Variants in CFAP74 observed in about 807,000 individuals in gnomAD.
The protein encoded by CFAP74 is cilia- and flagella-associated protein 74.
Under a neutral mutation model 188.9 loss-of-function variants are expected in CFAP74, and 124 were observed. The observed-to-expected ratio is 0.66, with a 90% CI of 0.57 to 0.76. The LOEUF is 0.76. CFAP74 is among the 30% of genes least tolerant of loss of function. The pLI, the probability that CFAP74 is intolerant of heterozygous loss-of-function variation, is 0.00. For missense variants in CFAP74, 2,198 were observed against 2,165.2 expected (o/e 1.02, Z -0.30); for synonymous variants, 956 against 916.7 (o/e 1.04, Z -0.77).
chr1:1,952,491 G>C (rs949446258), intron 18 of CFAP74, among the ~76,000 whole-genome samples: 4 of 151,598 alleles, frequency 2.6e-5, no homozygotes, highest in African/African-American at 9.7e-5. Context: ...AAGACTGTCA[G>C]ACTGGATAAA....
chr1:1,964,079 C>A (rs1173872124), intron 13 of CFAP74, among the ~76,000 whole-genome samples: 1 of 152,218 alleles, frequency 6.6e-6, no homozygotes, highest in Non-Finnish European at 1.5e-5. Flanking sequence ...CACATAAGAG[C>A]CTTCGCCACT....
chr1:1,931,025 G>A (rs138201645), intron 25 of CFAP74, among the ~76,000 whole-genome samples: 18 of 152,232 alleles, frequency 1.2e-4, no homozygotes, highest in Non-Finnish European at 2.5e-4. Context: ...ATGCTGTAAA[G>A]GACAATACTC....
Position 1,965,005 on chromosome 1 carries a change from G to A in CFAP74, c.1458C>T (p.Asp486=), listed in dbSNP as rs1655369664. 4 of 1,613,926 alleles carry A rather than the reference G, an allele frequency of 2.5e-6. No individual in the cohort carries two copies. The highest frequency in any genetic ancestry group is 3.4e-6 in the Non-Finnish European group (4 of 1,179,896). Residue 486 remains aspartate, a synonymous_variant, in exon 13 of 39, where the codon GAC becomes GAT. Coordinates refer to ENST00000682832, the MANE Select transcript of CFAP74 (RefSeq NM_001304360.2). ...GCCGCTCCACCGTGCGCTCCAGGAT[G>A]TCCTTGTCCATCTTTGTCCCGCCCA... ...KPVGGTKMDK[D]ILERTVERLR...
At chr1:1,992,709 C>T (rs1194983446) in intron 1 of CFAP74, among the ~76,000 whole-genome samples, 4 of 151,824 alleles carry the variant, frequency 2.6e-5, no homozygotes, top group Non-Finnish European at 4.4e-5. Flanking sequence ...CTCCTGACCT[C>T]GTGACCCACC....
Position 1,968,502 on chromosome 1 carries a change from G to A in CFAP74, c.1245+133C>T, listed in dbSNP as rs952821478. Reference sequence around the variant, plus strand: ...TTGAGCTGAGTGGCGGCCACTCAGCGGGCTCAGCAACCCCCTGCAGGTGGC... The same window carrying A: ...TTGAGCTGAGTGGCGGCCACTCAGCAGGCTCAGCAACCCCCTGCAGGTGGC... On this transcript the variant is annotated intron_variant, in intron 11 of 38. Transcript: ENST00000682832. This position sits in a 1 kb window ranked among gnomAD's most constrained non-coding sequence, Gnocchi z 4.3. 2.5e-5 allele frequency: 18 copies of A among 733,354 alleles called. No homozygotes were observed. Among genetic ancestry groups the A allele is most frequent in the African/African-American group, 1.9e-4 (11 of 56,804 alleles). 45.4% of individuals were successfully genotyped at this position (733,354 alleles called of 1,614,324 possible).
rs372290694 is a variant in CFAP74, at chr1:1,923,762, G to A, written c.4389+13C>T. ...GGCCGGGCCGGGCTGAGCTTGCAGA[G>A]CCAGAGCCGCACCTTTTCAAAGAGC... On this transcript the variant is annotated intron_variant, in intron 35 of 38. Coordinates refer to ENST00000682832, the MANE Select transcript of CFAP74 (RefSeq NM_001304360.2). This position sits in a 1 kb window ranked among gnomAD's most constrained non-coding sequence, Gnocchi z 6.3. 12 of 1,613,202 alleles carry A rather than the reference G, an allele frequency of 7.4e-6. No individual in the cohort carries two copies. The African/African-American group carries it at 1.1e-4, about 14-fold the overall frequency.
chr1:1,955,094 T>C, intron 18 of CFAP74: 1 of 586,582 alleles, frequency 1.7e-6, no homozygotes, highest in South Asian at 2.0e-5. Flanking sequence ...TCACACAGGC[T>C]GTGGAGAACC....
chr1:1,924,508 AGTT>A lies in CFAP74; in HGVS notation c.4114_4116del (p.Asn1372del). On this transcript the variant is annotated inframe_deletion, in exon 34 of 39. Transcript: ENST00000682832. ...ATGGAGAACTTGATGGGGAGCAGAG[AGTT>A]GTTCTGCAGCTGCAGAGAGCAGGCC... 6.2e-7 allele frequency: 1 copy of A among 1,604,166 alleles called. No homozygotes were observed. Among genetic ancestry groups the A allele is most frequent in the African/African-American group, 1.3e-5 (1 of 74,102 alleles).
intron 22 of CFAP74, among the ~76,000 whole-genome samples, chr1:1,941,115 A>AAAAG (rs531512153): frequency 1.4e-4 from 22 of 152,060 alleles, no homozygotes; most frequent in Non-Finnish European, 2.1e-4. Flanking sequence ...TCTGTCTCAA[A>AAAAG]AAAGAAAGAA....
At chr1:1,932,082 A>AAC (rs1352785240) in intron 25 of CFAP74, among the ~76,000 whole-genome samples, 7 of 64,952 alleles carry the variant, frequency 1.1e-4, no homozygotes, top group African/African-American at 1.9e-4. Flanking sequence ...AAAAAAAACA[A>AAC]AAAACAAAAA....
At chr1:1,934,600 T>C (rs1652699078) in intron 25 of CFAP74, among the ~76,000 whole-genome samples, 1 of 150,558 alleles carries the variant, frequency 6.6e-6, no homozygotes, top group South Asian at 2.1e-4. Flanking sequence ...GGTACACGTG[T>C]GTATGTGTGT....
intron 18 of CFAP74, chr1:1,955,309 C>G (rs1050517579): frequency 8.0e-7 from 1 of 1,254,712 alleles, no homozygotes; most frequent in African/African-American, 1.5e-5. Context: ...TTCTCGGCAC[C>G]TCTCCCCGCT....
Position 1,980,659 on chromosome 1 carries a change from C to T in CFAP74, c.500+4727G>A, listed in dbSNP as rs28468525. The stretch of plus-strand genomic sequence containing the variant: ...CACAGACGCTTCTGCCAGCCCATGG[C>T]CCCTTGCGTGCAGAGATGCTGGTCC... On this transcript the variant is annotated intron_variant, in intron 6 of 38. Transcript: ENST00000682832. Among the ~76,000 whole-genome samples the T allele has an allele frequency of 6.0e-3, 916 of 152,340 alleles. 2 individuals carry two copies. The highest frequency in any genetic ancestry group is 0.011 in the Non-Finnish European group (724 of 68,022).
Position 1,955,827 on chromosome 1 carries a change from A to G in CFAP74, c.2040T>C (p.Asp680=). Reference sequence around the variant, plus strand: ...TGGCGGCTTTGTCATACAAGCTTTTATCTTCGTAGGTCAGGAGACTGCTCT... The same window carrying G: ...TGGCGGCTTTGTCATACAAGCTTTTGTCTTCGTAGGTCAGGAGACTGCTCT... ...LKLSSLLTYE[D]KSLYDKAATS... The change falls in exon 18 of 39, where the codon GAT becomes GAC. Residue 680 remains aspartate, a synonymous_variant. Transcript: ENST00000682832. The G allele has an allele frequency of 6.2e-7, 1 of 1,613,730 alleles. No homozygotes were observed. The highest frequency in any genetic ancestry group is 8.5e-7 in the Non-Finnish European group (1 of 1,180,010).
At chr1:1,981,168 G>C (rs556879579) in intron 6 of CFAP74, among the ~76,000 whole-genome samples, 3 of 152,232 alleles carry the variant, frequency 2.0e-5, no homozygotes, top group African/African-American at 7.2e-5. Context: ...GGAAGCCCCC[G>C]TTCCAGAGGG....
rs1045972008 is a variant in CFAP74 at position 1,939,709 on chromosome 1, C to G, written c.2762G>C (p.Ser921Thr). ...GTAGCCAAAATCCACCTCCGAGGGACTGAGCTCCAGGTCCGAGGTGGTGAC... is the reference window on the plus strand; with the variant it reads ...GTAGCCAAAATCCACCTCCGAGGGAGTGAGCTCCAGGTCCGAGGTGGTGAC... The part of the protein sequence containing the change: ...AIVTTSDLEL[S>T]PSEVDFGYCT... Residue 921 changes from serine (S) to threonine (T), a missense_variant, in exon 24 of 39, where the codon AGT becomes ACT. Ser to Thr is a moderately conservative substitution (Grantham distance 58). Transcript: ENST00000682832. The G allele has an allele frequency of 1.4e-5, 22 of 1,536,094 alleles. No homozygotes were observed. The highest frequency in any genetic ancestry group is 1.9e-5 in the Non-Finnish European group (22 of 1,146,874).
chr1:1,938,842 C>T lies in CFAP74; in HGVS notation c.3011+13G>A. On this transcript the variant is annotated intron_variant, in intron 25 of 38. Coordinates refer to ENST00000682832, the MANE Select transcript of CFAP74 (RefSeq NM_001304360.2). Reference sequence around the variant, plus strand: ...TCCAGGCCCCCTGCGTCCCCTCTCCCTGGCAGGCTCACCGGTTGATCTCAG... The same window carrying T: ...TCCAGGCCCCCTGCGTCCCCTCTCCTTGGCAGGCTCACCGGTTGATCTCAG... The T allele has an allele frequency of 1.3e-6, 2 of 1,535,730 alleles. No individual in the cohort carries two copies. The highest frequency in any genetic ancestry group is 1.7e-6 in the Non-Finnish European group (2 of 1,146,576).
At chr1:1,982,561 C>T (rs1656970304) in intron 6 of CFAP74, among the ~76,000 whole-genome samples, 1 of 152,250 alleles carries the variant, frequency 6.6e-6, no homozygotes, top group Non-Finnish European at 1.5e-5. Context: ...CCAGAGGTTG[C>T]CTGGTGGGGT....
intron 16 of CFAP74, among the ~76,000 whole-genome samples, 166 bp from the exon 17 acceptor site, chr1:1,956,950 T>C (rs1460056857): frequency 1.3e-5 from 2 of 152,254 alleles, no homozygotes; most frequent in African/African-American, 4.8e-5. Context: ...TGTGTATTGC[T>C]CATGACAAGG....
Sources: gnomAD v4.1 joint callset for allele counts (sites outside exome capture counted in the v4.1 genomes callset) on GRCh38, gnomAD v4.1.1 for gene constraint, Gnocchi (gnomAD v3.1) non-coding constraint, MANE v1.5 for transcripts, NCBI Gene and HGNC (gene_info 2026-07-23, HGNC 2026-07-21) for gene names.